NAPG: variants seen among roughly 807,000 people sequenced by gnomAD.
NAPG encodes gamma-soluble NSF attachment protein.
Under a neutral mutation model 48.4 loss-of-function variants are expected in NAPG, and 25 were observed. The observed-to-expected ratio is 0.52, with a 90% confidence interval of 0.38 to 0.72. The LOEUF (loss-of-function observed/expected upper bound fraction) is 0.72, where lower values mean the gene tolerates loss of function less well. Ranked by LOEUF, NAPG falls within the 30% of genes least tolerant of loss-of-function variation. The probability of loss-of-function intolerance (pLI) is 0.00; values close to 1 mark genes in which losing one functional copy is unlikely to be tolerated. For synonymous variants in NAPG, 139 were observed against 127.2 expected, an observed-to-expected ratio of 1.09 and a Z score of -0.62; for missense variants, 359 against 372.5, an observed-to-expected ratio of 0.96 and a Z score of 0.30.
chr18:10,532,214 T>G (rs1381818570), intron 2 of NAPG, among the ~76,000 whole-genome samples: 1 of 150,506 alleles, frequency 6.6e-6, no homozygotes, highest in Non-Finnish European at 1.5e-5. Flanking sequence ...AAAAGATTGT[T>G]TTTTTAAAAA....
In NAPG at chr18:10,543,438, C is replaced by T. The variant is rs529912007; in HGVS notation, c.507-2888C>T. ...ATAACTGTTCTGTCCATGGTGCCAT[C>T]AATAACTGAGATAAGGAATATAGAA... On this transcript the variant is annotated intron_variant, in intron 8 of 11. Coordinates refer to ENST00000322897, the MANE Select transcript of NAPG (RefSeq NM_003826.3). This position sits in a 1 kb window ranked among gnomAD's most constrained non-coding sequence, Gnocchi z 4.4. 6.6e-6 allele frequency among the ~76,000 whole-genome samples: 1 copy of T among 152,238 alleles called. No homozygotes were observed. The highest frequency in any genetic ancestry group is 2.1e-4 in the South Asian group (1 of 4,830).
At chr18:10,526,955 C>G (rs1055668623) in intron 1 of NAPG, among the ~76,000 whole-genome samples, 3 of 151,778 alleles carry the variant, frequency 2.0e-5, no homozygotes, top group African/African-American at 7.3e-5. Context: ...TTTGGGAGGC[C>G]GAGGCGGGCG....
rs1474950856 is a variant in NAPG, at chr18:10,546,667, A to C, written c.585+263A>C. Among the ~76,000 whole-genome samples the C allele has an allele frequency of 2.0e-5, 3 of 152,222 alleles. No homozygotes were observed. The highest frequency in any genetic ancestry group is 7.2e-5 in the African/African-American group (3 of 41,468). ...TAAAAAGAGACTAAGGAGAGGAGCA[A>C]ACACGTGGAGAAACAACCACCATGG... On this transcript the variant is annotated intron_variant, in intron 9 of 11. Coordinates refer to ENST00000322897, the MANE Select transcript of NAPG (RefSeq NM_003826.3). This position sits in a 1 kb window ranked among gnomAD's most constrained non-coding sequence, Gnocchi z 4.0.
At chr18:10,537,256 T>C (rs1433972507) in intron 5 of NAPG, among the ~76,000 whole-genome samples, 3 of 152,164 alleles carry the variant, frequency 2.0e-5, no homozygotes, top group Non-Finnish European at 4.4e-5. Flanking sequence ...ACTACCCTAC[T>C]ACTGACTGGA....
Position 10,539,363 on chromosome 18 carries a change from A to G in NAPG, c.259-399A>G, listed in dbSNP as rs747800652. On this transcript the variant is annotated intron_variant, in intron 5 of 11. Coordinates refer to ENST00000322897, the MANE Select transcript of NAPG (RefSeq NM_003826.3). This position sits in a 1 kb window ranked among gnomAD's most constrained non-coding sequence, Gnocchi z 4.7. ...ATGAGATCATGTCCTTTGCAGGGAC[A>G]TGGATGAAGCTGGAAGCCATCATTC... 3.7e-5 allele frequency: 7 copies of G among 187,650 alleles called. No individual in the cohort carries two copies. Among genetic ancestry groups the G allele is most frequent in the Non-Finnish European group, 6.7e-5 (6 of 89,358 alleles). 11.6% of individuals were successfully genotyped at this position (187,650 alleles called of 1,614,324 possible).
intron 1 of NAPG, chr18:10,526,478 T>TG (rs1217909065): frequency 5.6e-6 from 2 of 355,750 alleles, no homozygotes; most frequent in East Asian, 5.6e-5. Context: ...AAGATTGTGG[T>TG]GGGGGCTGTC....
chr18:10,533,182 A>G (rs1380144806), intron 3 of NAPG: 1 of 259,420 alleles, frequency 3.9e-6, no homozygotes, highest in Non-Finnish European at 7.2e-6. Flanking sequence ...AAAAATTATA[A>G]GTAGTTTAAA....
At position 10,543,001 on chromosome 18, in the gene NAPG, T is replaced by C. The variant is rs921901495; in HGVS notation, c.506+2602T>C. On this transcript the variant is annotated intron_variant, in intron 8 of 11. Transcript: ENST00000322897. The surrounding 1 kb of genome is among the most constrained non-coding windows in gnomAD (Gnocchi z 4.4). ...AAGTTCAAGATTAGCCTTGGCCAAATGGTGAAACTCCTTCTCTACTAAAAA... is the reference window on the plus strand; with the variant it reads ...AAGTTCAAGATTAGCCTTGGCCAAACGGTGAAACTCCTTCTCTACTAAAAA... 1.3e-5 allele frequency among the ~76,000 whole-genome samples: 2 copies of C among 151,862 alleles called. No individual in the cohort carries two copies. The highest frequency in any genetic ancestry group is 1.3e-4 in the Admixed American group (2 of 15,236).
At chr18:10,540,423 G>C (rs1222003379) in intron 8 of NAPG, 24 bp downstream of exon 8, 1 of 1,592,730 alleles carries the variant, frequency 6.3e-7, no homozygotes, top group Admixed American at 1.7e-5. Context: ...AACTATTGCT[G>C]TGTGTTTAAC....
In NAPG at chr18:10,532,751, A is replaced by G; in HGVS notation, c.165A>G (p.Lys55=). 1 of 1,593,690 alleles carries G rather than the reference A, an allele frequency of 6.3e-7. No individual in the cohort carries two copies. The highest frequency in any genetic ancestry group is 8.6e-7 in the Non-Finnish European group (1 of 1,168,784). ...ATGCCAAACAGTTTGAGCAAGCAAA[A>G]GATGCCTGCCTGAGGGAAGCTGTTG... ...FKNAKQFEQA[K]DACLREAVAH... is the part of the protein sequence containing the mutation. The change falls in exon 3 of 12, where the codon AAA becomes AAG. Residue 55 remains lysine, a synonymous_variant. Coordinates refer to ENST00000322897, the MANE Select transcript of NAPG (RefSeq NM_003826.3).
intron 2 of NAPG, among the ~76,000 whole-genome samples, chr18:10,531,188 G>A (rs940623286): frequency 6.6e-6 from 1 of 152,084 alleles, no homozygotes; most frequent in Non-Finnish European, 1.5e-5. Flanking sequence ...TATTGAATTA[G>A]GAGTTTGTTA....
intron 2 of NAPG, 142 bp downstream of exon 2, chr18:10,530,979 G>A: frequency 1.5e-6 from 1 of 649,440 alleles, no homozygotes; most frequent in Non-Finnish European, 2.3e-6. Flanking sequence ...GCAAGCCCTT[G>A]AGTTTTTTTC....
intron 5 of NAPG, among the ~76,000 whole-genome samples, chr18:10,536,814 A>G (rs1166262944): frequency 6.6e-6 from 1 of 152,106 alleles, no homozygotes; most frequent in African/African-American, 2.4e-5. Context: ...GATTCACATT[A>G]TATATGTAAT....
At chr18:10,530,488 C>T (rs2031907913) in intron 1 of NAPG, among the ~76,000 whole-genome samples, 1 of 151,900 alleles carries the variant, frequency 6.6e-6, no homozygotes, top group South Asian at 2.1e-4. Context: ...CAACAATTTA[C>T]GATTTTAGTA....
Position 10,540,042 on chromosome 18 carries a change from T to G in NAPG, c.423T>G (p.Ala141=), listed in dbSNP as rs1303497808. 1 of 1,582,850 alleles carries G rather than the reference T, an allele frequency of 6.3e-7. No homozygotes were observed. Among genetic ancestry groups the G allele is most frequent in the Non-Finnish European group, 8.6e-7 (1 of 1,163,206 alleles). The change falls in exon 7 of 12, where the codon GCT becomes GCG. Residue 141 remains alanine (A), a synonymous_variant. Transcript: ENST00000322897. ...CTGTACAGTTATATCAACAGACAGC[T>G]AATGTGTTTGAAGTAAGTTTGAATC... is the stretch of plus-strand genomic sequence containing the variant. ...EKAVQLYQQT[A]NVFENEERLR... is the part of the protein sequence containing the mutation.
At chr18:10,540,600 T>C (rs1481319180) in intron 8 of NAPG, 1 of 453,814 alleles carries the variant, frequency 2.2e-6, no homozygotes, top group Admixed American at 4.0e-5. Context: ...TTTGAAAGTG[T>C]AATGCCCAAA....
intron 5 of NAPG, among the ~76,000 whole-genome samples, chr18:10,535,235 A>G (rs879315985): frequency 6.6e-6 from 1 of 152,190 alleles, no homozygotes; most frequent in African/African-American, 2.4e-5. Flanking sequence ...TATGACTTTT[A>G]TAATGTGAAC....
intron 5 of NAPG, among the ~76,000 whole-genome samples, chr18:10,537,303 A>G (rs940763103): frequency 2.0e-5 from 3 of 152,168 alleles, no homozygotes; most frequent in Admixed American, 6.5e-5. Flanking sequence ...GTTAGTACAT[A>G]TGTTGTATGT....
At position 10,526,051 on chromosome 18, in the gene NAPG, G is replaced by A. The variant is rs2031799153; in HGVS notation, c.-52G>A. 16 of 1,563,550 alleles carry A rather than the reference G, an allele frequency of 1.0e-5. No individual in the cohort carries two copies. Among genetic ancestry groups the A allele is most frequent in the East Asian group, 4.5e-5 (2 of 44,564 alleles). On this transcript the variant is annotated 5_prime_UTR_variant, in exon 1 of 12. Transcript: ENST00000322897. The stretch of plus-strand genomic sequence containing the variant: ...CCTATTTGGGCGGATTCTTGGCGCC[G>A]GAGGAAGAGGCAGGGTCACCCTCTC...
Sources: gnomAD v4.1 joint callset for allele counts (sites outside exome capture counted in the v4.1 genomes callset) on GRCh38, gnomAD v4.1.1 for gene constraint, Gnocchi (gnomAD v3.1) non-coding constraint, MANE v1.5 for transcripts, NCBI Gene and HGNC (gene_info 2026-07-23, HGNC 2026-07-21) for gene names.